Variants in RCAN2 observed in about 807,000 individuals in gnomAD.
The protein encoded by RCAN2 is regulator of calcineurin 2, also known as calcipressin-2.
RCAN2 carries 9 observed loss-of-function variants against 23.6 expected under a neutral mutation model. The observed-to-expected ratio is 0.38, with a 90% confidence interval of 0.23 to 0.67. RCAN2 has a LOEUF of 0.67. Ranked by LOEUF, RCAN2 falls within the 30% of genes least tolerant of loss-of-function variation. The pLI, the probability that RCAN2 is intolerant of heterozygous loss-of-function variation, is 0.51. For synonymous variants in RCAN2, 109 were observed against 115.7 expected (o/e 0.94, Z 0.37); for missense variants, 273 against 302.3 (o/e 0.90, Z 0.72).
At chr6:46,387,996 C>T (rs1249572281) in intron 2 of RCAN2, among the ~76,000 whole-genome samples, 3 of 151,738 alleles carry the variant, frequency 2.0e-5, no homozygotes, top group Non-Finnish European at 4.4e-5. Context: ...AGCAAACTAT[C>T]ACAAGAACAA....
At chr6:46,406,077 C>T (rs534586539) in intron 2 of RCAN2, among the ~76,000 whole-genome samples, 1 of 152,364 alleles carries the variant, frequency 6.6e-6, no homozygotes, top group African/African-American at 2.4e-5. Flanking sequence ...CCCGCCAAGC[C>T]CACGCCCACC....
chr6:46,386,566 C>T (rs1765758249), intron 2 of RCAN2, among the ~76,000 whole-genome samples: 2 of 148,532 alleles, frequency 1.3e-5, no homozygotes, highest in Admixed American at 1.3e-4. Context: ...CGAGATCGCG[C>T]CACTGTACCC....
intron 2 of RCAN2, among the ~76,000 whole-genome samples, chr6:46,326,723 C>T (rs1040315023): frequency 1.3e-5 from 2 of 152,180 alleles, no homozygotes; most frequent in Non-Finnish European, 2.9e-5. Flanking sequence ...TCAGTGGCCA[C>T]TGGAACATCC....
chr6:46,249,030 T>C (rs2150318508), intron 2 of RCAN2, 134 bp from the exon 3 acceptor site: 1 of 593,820 alleles, frequency 1.7e-6, no homozygotes, highest in East Asian at 3.1e-5. Context: ...ACCAGTAATG[T>C]ATTTTTTTCA....
intron 2 of RCAN2, among the ~76,000 whole-genome samples, chr6:46,262,445 G>T (rs1000356642): frequency 6.6e-6 from 1 of 152,124 alleles, no homozygotes; most frequent in Non-Finnish European, 1.5e-5. Flanking sequence ...CCTGCTGCTA[G>T]AGAGGTCTTT....
chr6:46,386,327 G>A (rs374671114), intron 2 of RCAN2, among the ~76,000 whole-genome samples: 38 of 151,922 alleles, frequency 2.5e-4, no homozygotes, highest in African/African-American at 8.4e-4. Flanking sequence ...GGCCGGGTGC[G>A]GTGGCTCACA....
At chr6:46,299,726 GA>G (rs1762841511) in intron 2 of RCAN2, among the ~76,000 whole-genome samples, 1 of 151,986 alleles carries the variant, frequency 6.6e-6, no homozygotes, top group Admixed American at 6.6e-5. Flanking sequence ...GGAAGATGAA[GA>G]TAAGTGAATA....
At chr6:46,252,725 C>T (rs1473072513) in intron 2 of RCAN2, among the ~76,000 whole-genome samples, 1 of 152,014 alleles carries the variant, frequency 6.6e-6, no homozygotes, top group Non-Finnish European at 1.5e-5. Context: ...TTTTGCAAAC[C>T]TATTTAATTT....
intron 2 of RCAN2, among the ~76,000 whole-genome samples, chr6:46,253,446 A>G (rs1766799857): frequency 6.6e-6 from 1 of 152,232 alleles, no homozygotes; most frequent in Admixed American, 6.5e-5. Flanking sequence ...TGAGAAAAGT[A>G]CCAAGGGCAG....
intron 2 of RCAN2, among the ~76,000 whole-genome samples, chr6:46,396,419 G>A (rs192505304): frequency 6.6e-5 from 10 of 152,300 alleles, no homozygotes; most frequent in African/African-American, 2.4e-4. Context: ...AGGGCTAGAG[G>A]AACCATTAAA....
At chr6:46,474,280 G>A (rs527388842) in intron 1 of RCAN2, among the ~76,000 whole-genome samples, 1 of 152,108 alleles carries the variant, frequency 6.6e-6, no homozygotes, top group Non-Finnish European at 1.5e-5. Context: ...AATATATACA[G>A]AGGGGAGAGC....
chr6:46,271,327 A>G (rs1767517660), intron 2 of RCAN2, among the ~76,000 whole-genome samples: 1 of 152,210 alleles, frequency 6.6e-6, no homozygotes, highest in Non-Finnish European at 1.5e-5. Flanking sequence ...CAGACTTCTT[A>G]GTCACAGAGG....
intron 2 of RCAN2, among the ~76,000 whole-genome samples, chr6:46,357,130 G>C (rs1764856202): frequency 6.6e-6 from 1 of 152,142 alleles, no homozygotes; most frequent in East Asian, 1.9e-4. Context: ...CAAGACATAA[G>C]GGCCCAGCTG....
intron 1 of RCAN2, among the ~76,000 whole-genome samples, chr6:46,471,273 T>C (rs1768552395): frequency 6.6e-6 from 1 of 152,214 alleles, no homozygotes; most frequent in Non-Finnish European, 1.5e-5. Flanking sequence ...TTTATCTGGC[T>C]GTTATCTGGA....
chr6:46,265,240 T>C (rs955735956), intron 2 of RCAN2, among the ~76,000 whole-genome samples: 47 of 152,090 alleles, frequency 3.1e-4, no homozygotes, highest in African/African-American at 1.1e-3. Flanking sequence ...ACCTGAAAAT[T>C]GGATCGTATT....
chr6:46,291,845 T>G (rs770859342), intron 2 of RCAN2, among the ~76,000 whole-genome samples: 7 of 152,152 alleles, frequency 4.6e-5, no homozygotes, highest in Non-Finnish European at 7.3e-5. Flanking sequence ...GTGGCACATG[T>G]ACTTTCTTGA....
At chr6:46,325,628 C>T (rs1763772337) in intron 2 of RCAN2, 1 of 1,435,774 alleles carries the variant, frequency 7.0e-7, no homozygotes, top group Admixed American at 2.9e-5. Context: ...AGCCCGCTCC[C>T]ACTGCACGCA....
At chr6:46,454,139 T>A (rs917748279) in intron 2 of RCAN2, among the ~76,000 whole-genome samples, 2 of 152,202 alleles carry the variant, frequency 1.3e-5, no homozygotes, top group African/African-American at 4.8e-5. Flanking sequence ...GTGCCTAAAA[T>A]GTCCACCCTT....
chr6:46,390,019 C>CAA (rs34443128), intron 2 of RCAN2, among the ~76,000 whole-genome samples: 4 of 137,694 alleles, frequency 2.9e-5, no homozygotes, highest in Non-Finnish European at 4.7e-5. Flanking sequence ...TATTCGAGAC[C>CAA]AAAAAAAAAA....
Sources: gnomAD v4.1 joint callset for allele counts (sites outside exome capture counted in the v4.1 genomes callset) on GRCh38, gnomAD v4.1.1 for gene constraint, MANE v1.5 for transcripts, NCBI Gene and HGNC (gene_info 2026-07-23, HGNC 2026-07-21) for gene names.